The following SLK variants were observed in gnomAD, a reference collection of about 807,000 sequenced individuals.
SLK encodes the protein STE20-like serine/threonine-protein kinase.
SLK carries 67 observed loss-of-function variants against 147.7 expected under a neutral mutation model. The ratio of observed to expected loss-of-function variants is 0.45; its 90% confidence interval spans 0.37 to 0.56. SLK has a LOEUF of 0.56. SLK is among the 20% of genes least tolerant of loss of function. The pLI is 0.00. For missense variants in SLK, 1,136 were observed against 1,438.8 expected, an observed-to-expected ratio of 0.79 and a Z score of 3.41; for synonymous variants, 441 against 475.0, an observed-to-expected ratio of 0.93 and a Z score of 0.93.
intron 1 of SLK, among the ~76,000 whole-genome samples, chr10:103,971,937 T>A (rs1487057767): frequency 6.6e-6 from 1 of 152,238 alleles, no homozygotes; most frequent in African/African-American, 2.4e-5. Flanking sequence ...TATCTTTAAG[T>A]TATTCATTTA....
intron 9 of SLK, among the ~76,000 whole-genome samples, chr10:104,005,013 C>T (rs763865418): frequency 6.6e-6 from 1 of 152,138 alleles, no homozygotes; most frequent in East Asian, 1.9e-4. Flanking sequence ...ATTATTGTTA[C>T]TGATTAAGTA....
intron 5 of SLK, 59 bp downstream of exon 5, chr10:103,999,030 A>G: frequency 1.3e-6 from 2 of 1,537,558 alleles, no homozygotes; most frequent in South Asian, 1.2e-5. Flanking sequence ...ATAATTACTC[A>G]TGAATTTTTG....
At chr10:104,013,073 T>A (rs1449351535) in intron 13 of SLK, among the ~76,000 whole-genome samples, 1 of 152,206 alleles carries the variant, frequency 6.6e-6, no homozygotes, top group Non-Finnish European at 1.5e-5. Context: ...GTAAATCTAA[T>A]GAGGAATTTA....
chr10:103,987,649 A>C (rs1156250656), intron 1 of SLK, among the ~76,000 whole-genome samples: 3 of 152,210 alleles, frequency 2.0e-5, no homozygotes, highest in Non-Finnish European at 2.9e-5. Context: ...AGTGATGTTA[A>C]TATACATCAT....
At chr10:103,981,183 GT>G (rs60741360) in intron 1 of SLK, among the ~76,000 whole-genome samples, 3 of 148,702 alleles carry the variant, frequency 2.0e-5, no homozygotes, top group Admixed American at 6.7e-5. Context: ...CTAGTTGTGG[GT>G]TTTTTTTGTT....
chr10:103,992,139 C>CTTTTTTTTTTT (rs1589532495), intron 2 of SLK, among the ~76,000 whole-genome samples: 131 of 18,048 alleles, frequency 7.3e-3, no homozygotes, highest in Middle Eastern at 0.045. Flanking sequence ...GGTATTTCTT[C>CTTTTTTTTTTT]TGTTTTTTTT....
At chr10:103,979,582 C>G (rs1843914358) in intron 1 of SLK, among the ~76,000 whole-genome samples, 1 of 151,898 alleles carries the variant, frequency 6.6e-6, no homozygotes, top group Non-Finnish European at 1.5e-5. Context: ...TTTTTTTGGT[C>G]TGTGCCCTGA....
At chr10:104,024,039 G>A (rs805681) in intron 18 of SLK, among the ~76,000 whole-genome samples, 30,025 of 151,892 alleles carry the variant, frequency 0.2, 3,186 homozygotes, top group African/African-American at 0.26. Context: ...ACGTTTCCGC[G>A]CTCACTGCAG....
At position 104,026,927 on chromosome 10, in the gene SLK, A is replaced by C. The variant is rs562956240; in HGVS notation, c.*1207A>C. On this transcript the variant is annotated 3_prime_UTR_variant, in exon 19 of 19. Transcript: ENST00000369755. ...TGCTGGTGTGTGTAATTATTAATGA[A>C]ATGTTCACTCCTAGTCCCTTATGAG... is the stretch of plus-strand genomic sequence containing the variant. 1 of 152,290 alleles carries C rather than the reference A, an allele frequency of 6.6e-6. No individual in the cohort carries two copies. Among genetic ancestry groups the C allele is most frequent in the East Asian group, 1.9e-4 (1 of 5,186 alleles). The allele number at this position is 152,290 out of a possible 1,614,324, so 9.4% of individuals were successfully genotyped here.
At chr10:104,005,199 A>G (rs1844308528) in intron 9 of SLK, among the ~76,000 whole-genome samples, 1 of 152,186 alleles carries the variant, frequency 6.6e-6, no homozygotes, top group Admixed American at 6.5e-5. Context: ...GAGAAACTAC[A>G]AATTGAAAAG....
Position 103,967,844 on chromosome 10 carries a change from T to C in SLK, c.99T>C (p.Phe33=), listed in dbSNP as rs149480041. The C allele has an allele frequency of 5.0e-6, 8 of 1,613,946 alleles. No individual in the cohort carries two copies. The highest frequency in any genetic ancestry group is 1.7e-5 in the Admixed American group (1 of 59,998). ...AGAGGGACCTGAACCCCGAAGACTT[T>C]TGGGAGATTATAGGAGAACTGGGCG... ...HVKRDLNPED[F]WEIIGELGDG... is the part of the protein sequence containing the mutation. The change falls in exon 1 of 19, where the codon TTT becomes TTC. Residue 33 remains phenylalanine, a synonymous_variant. Transcript: ENST00000369755.
chr10:104,008,422 C>A, intron 12 of SLK, 66 bp downstream of exon 12: 1 of 1,149,886 alleles, frequency 8.7e-7, no homozygotes, highest in Non-Finnish European at 1.2e-6. Flanking sequence ...TTAAGACTAT[C>A]TAAGGATTTA....
At position 104,026,805 on chromosome 10, in the gene SLK, G is replaced by A. The variant is rs1479731428; in HGVS notation, c.*1085G>A. The A allele has an allele frequency of 6.6e-6, 1 of 152,066 alleles. No homozygotes were observed. Among genetic ancestry groups the A allele is most frequent in the African/African-American group, 2.4e-5 (1 of 41,408 alleles). 9.4% of individuals were successfully genotyped at this position (152,066 alleles called of 1,614,324 possible). A position where few individuals can be genotyped will look rare whatever the true frequency, so the allele number is the denominator to read the frequency against. On this transcript the variant is annotated 3_prime_UTR_variant, in exon 19 of 19. Coordinates refer to ENST00000369755, the MANE Select transcript of SLK (RefSeq NM_014720.4). ...GTCAGGAATTACTTTTCCTTATTTT[G>A]AAATGAGGCTACTTATGTCTTGGTT... is the stretch of plus-strand genomic sequence containing the variant.
chr10:104,017,116 A>G (rs1296830934), intron 13 of SLK, among the ~76,000 whole-genome samples: 29 of 152,200 alleles, frequency 1.9e-4, no homozygotes, highest in Admixed American at 1.9e-3. Context: ...ACAATAATTG[A>G]AGGATGTTTT....
chr10:104,020,354 G>T, intron 16 of SLK, 134 bp from the exon 17 acceptor site: 1 of 819,096 alleles, frequency 1.2e-6, no homozygotes, highest in Non-Finnish European at 1.9e-6. Context: ...TGGACTCCAG[G>T]TTTGAGTCTC....
chr10:104,028,684 T>C lies in SLK; in HGVS notation c.*2964T>C, dbSNP rs1281784023. 6.6e-6 allele frequency: 1 copy of C among 152,232 alleles called. No individual in the cohort carries two copies. Among genetic ancestry groups the C allele is most frequent in the East Asian group, 1.9e-4 (1 of 5,192 alleles). The allele number at this position is 152,232 out of a possible 1,614,324, so 9.4% of individuals were successfully genotyped here. A position where few individuals can be genotyped will look rare whatever the true frequency, so the allele number is the denominator to read the frequency against. ...CTGATTTCTTGAGCATCAGCGAGTT[T>C]CAGAAGTGACTATTTTTTTGTACTC... On this transcript the variant is annotated 3_prime_UTR_variant, in exon 19 of 19. Transcript: ENST00000369755.
At chr10:103,999,025 T>G (rs374106116) in intron 5 of SLK, 54 bp downstream of exon 5, 894 of 1,530,980 alleles carry the variant, frequency 5.8e-4, no homozygotes, top group Non-Finnish European at 7.6e-4. Flanking sequence ...CAGTTATAAT[T>G]ACTCATGAAT....
At position 104,010,846 on chromosome 10, in the gene SLK, G is replaced by A; in HGVS notation, c.2815G>A (p.Glu939Lys). 6.3e-7 allele frequency: 1 copy of A among 1,593,978 alleles called. No individual in the cohort carries two copies. Among genetic ancestry groups the A allele is most frequent in the South Asian group, 1.1e-5 (1 of 87,450 alleles). ...AAATGAAGTGGAGAAAGCACCCAAA[G>A]AGCTGAGAAAAGAGCTCATGAAACG... The part of the protein sequence containing the change: ...VINEVEKAPK[E>K]LRKELMKRRK... The change falls in exon 13 of 19, where the codon GAG (glutamate) becomes AAG (lysine). Residue 939 changes from glutamate to lysine, a missense_variant. By Grantham distance (56) the Glu-to-Lys change is moderately conservative. Transcript: ENST00000369755.
chr10:104,004,643 G>A (rs983280419), intron 9 of SLK, among the ~76,000 whole-genome samples: 2 of 152,104 alleles, frequency 1.3e-5, no homozygotes, highest in African/African-American at 4.8e-5. Flanking sequence ...ATTGGAAGGT[G>A]CCAAAGAGAA....
Sources: allele counts gnomAD v4.1 joint callset (sites outside exome capture counted in the v4.1 genomes callset), GRCh38; gene constraint gnomAD v4.1.1; transcripts MANE v1.5; gene names NCBI Gene and HGNC (gene_info 2026-07-23, HGNC 2026-07-21).